MYO1D: variants seen among roughly 807,000 people sequenced by gnomAD.
MYO1D encodes unconventional myosin-Id.
A neutral mutation model predicts 122.0 loss-of-function variants in MYO1D; 83 were observed. The observed-to-expected ratio is 0.68, with a 90% confidence interval of 0.57 to 0.82. The LOEUF (loss-of-function observed/expected upper bound fraction) is 0.82, where lower values mean the gene tolerates loss of function less well. MYO1D is among the 40% of genes least tolerant of loss of function. The pLI, the probability that MYO1D is intolerant of heterozygous loss-of-function variation, is 0.00. For synonymous variants in MYO1D, 464 were observed against 446.9 expected, an observed-to-expected ratio of 1.04 and a Z score of -0.48; for missense variants, 1,157 against 1,269.5, an observed-to-expected ratio of 0.91 and a Z score of 1.35.
intron 21 of MYO1D, among the ~76,000 whole-genome samples, chr17:32,570,725 G>A (rs531645720): frequency 6.6e-6 from 1 of 152,198 alleles, no homozygotes; most frequent in East Asian, 1.9e-4. Context: ...AGCGACTCTT[G>A]TAAAGTTCAC....
At chr17:32,607,614 T>A (rs1396934697) in intron 20 of MYO1D, among the ~76,000 whole-genome samples, 1 of 152,060 alleles carries the variant, frequency 6.6e-6, no homozygotes, top group Non-Finnish European at 1.5e-5. Context: ...TTTAATGAAA[T>A]CCCAACCAAA....
intron 1 of MYO1D, among the ~76,000 whole-genome samples, chr17:32,789,620 AGGGTT>A (rs2090330784): frequency 6.6e-6 from 1 of 152,240 alleles, no homozygotes; most frequent in Admixed American, 6.5e-5. Context: ...ATCTGGAAAT[AGGGTT>A]TTTGCAGGTG....
intron 21 of MYO1D, among the ~76,000 whole-genome samples, chr17:32,520,314 C>T (rs1474112629): frequency 6.6e-6 from 1 of 152,188 alleles, no homozygotes; most frequent in Non-Finnish European, 1.5e-5. Flanking sequence ...CAGAGGACTT[C>T]CCGAGGTCAG....
In MYO1D at chr17:32,687,260, G is replaced by A. The variant is rs565079342; in HGVS notation, c.2121+24728C>T. 2.6e-3 allele frequency among the ~76,000 whole-genome samples: 396 copies of A among 149,550 alleles called. 2 individuals are homozygous for A. Among genetic ancestry groups the A allele is most frequent in the African/African-American group, 8.0e-3 (325 of 40,572 alleles). On this transcript the variant is annotated intron_variant, in intron 16 of 21. Transcript: ENST00000318217. ...CACCCAGGCTGGAGTGCAGTGGCGC[G>A]ATCTCAGCTCACTGCAAGCTCCGCC...
At chr17:32,813,711 T>C (rs2090591127) in intron 1 of MYO1D, among the ~76,000 whole-genome samples, 2 of 152,134 alleles carry the variant, frequency 1.3e-5, no homozygotes, top group Non-Finnish European at 2.9e-5. Flanking sequence ...TTCCAAGTCA[T>C]GTTAAGAAGT....
chr17:32,492,532 C>T lies in MYO1D; in HGVS notation c.*2227G>A, dbSNP rs910573370. On this transcript the variant is annotated 3_prime_UTR_variant, in exon 22 of 22. Coordinates refer to ENST00000318217, the MANE Select transcript of MYO1D (RefSeq NM_015194.3). Reference sequence around the variant, plus strand: ...GTGCTTAATTCTCCCTTCTATCCTCCCAGATAATGGTTGACTTTATTTAAG... The same window carrying T: ...GTGCTTAATTCTCCCTTCTATCCTCTCAGATAATGGTTGACTTTATTTAAG... 1.0e-4 allele frequency: 16 copies of T among 152,386 alleles called. No homozygotes were observed. The highest frequency in any genetic ancestry group is 3.6e-4 in the African/African-American group (15 of 41,404). The allele number at this position is 152,386 out of a possible 1,614,324, so 9.4% of individuals were successfully genotyped here. A position where few individuals can be genotyped will look rare whatever the true frequency, so the allele number is the denominator to read the frequency against.
intron 1 of MYO1D, among the ~76,000 whole-genome samples, chr17:32,824,941 G>A (rs1300878857): frequency 6.6e-6 from 1 of 152,128 alleles, no homozygotes; most frequent in Admixed American, 6.6e-5. Flanking sequence ...AGTAGAATTC[G>A]TGGAGGAGAG....
chr17:32,660,675 C>T (rs192767501), intron 16 of MYO1D, among the ~76,000 whole-genome samples: 2,902 of 147,750 alleles, frequency 0.02, 81 homozygotes, highest in African/African-American at 0.064. Flanking sequence ...ACCTAGAGTT[C>T]ACATATAAAC....
In MYO1D at chr17:32,721,057, C is replaced by A. The variant is rs1449388673; in HGVS notation, c.1879G>T (p.Ala627Ser). The A allele has an allele frequency of 2.5e-6, 4 of 1,614,038 alleles. No homozygotes were observed. The highest frequency in any genetic ancestry group is 1.3e-5 in the African/African-American group (1 of 74,930). ...ENVRVRRAGF[A>S]FRQTYEKFLH... is the part of the protein sequence containing the mutation. ...AACTTCTCGTATGTCTGGCGGAAGG[C>A]AAATCCTGCCCGACGCACTCTCACA... The change falls in exon 15 of 22, where the codon GCC becomes TCC. Residue 627 changes from alanine to serine, a missense_variant. Physicochemically the swap from Ala to Ser is moderately conservative, Grantham distance 99. Coordinates refer to ENST00000318217, the MANE Select transcript of MYO1D (RefSeq NM_015194.3).
At chr17:32,668,332 G>T (rs1178967997) in intron 16 of MYO1D, among the ~76,000 whole-genome samples, 2 of 152,168 alleles carry the variant, frequency 1.3e-5, no homozygotes, top group Admixed American at 6.5e-5. Flanking sequence ...TAGCGAGGTG[G>T]CTTACCACCT....
rs1051559433 is a variant in MYO1D at position 32,765,065 on chromosome 17, A to C, written c.848T>G (p.Val283Gly). The C allele has an allele frequency of 6.2e-7, 1 of 1,612,442 alleles. No individual in the cohort carries two copies. Among genetic ancestry groups the C allele is most frequent in the Admixed American group, 1.7e-5 (1 of 60,002 alleles). ...AILHLGNLKF[V>G]VDGDTPLIEN... ...AATAAGAGGCGTGTCACCATCTACT[A>C]CAAATTTTAAATTTCCCTGTATCAA... is the stretch of plus-strand genomic sequence containing the variant. The change falls in exon 8 of 22, where the codon GTA becomes GGA. Residue 283 changes from valine (V) to glycine (G), a missense_variant. By Grantham distance (109) the Val-to-Gly change is moderately radical. Transcript: ENST00000318217.
At chr17:32,794,475 T>C (rs2090392405) in intron 1 of MYO1D, among the ~76,000 whole-genome samples, 1 of 152,174 alleles carries the variant, frequency 6.6e-6, no homozygotes, top group Admixed American at 6.5e-5. Context: ...TAAATGTTAT[T>C]GATGTATTTA....
At chr17:32,511,622 A>ACAT (rs1268801463) in intron 21 of MYO1D, among the ~76,000 whole-genome samples, 2 of 133,102 alleles carry the variant, frequency 1.5e-5, no homozygotes, top group African/African-American at 6.1e-5. Context: ...TTTTTTTTGG[A>ACAT]CATCTTTGCT....
rs112117529 is a variant in MYO1D at position 32,659,073 on chromosome 17, T to TGA, written c.2345+41_2345+42insTC. ...TTGTGACTTTGCATAGTATTAACTG[T>TGA]GCCACCATAAATGGATGCAGCACAC... On this transcript the variant is annotated intron_variant, in intron 17 of 21. Coordinates refer to ENST00000318217, the MANE Select transcript of MYO1D (RefSeq NM_015194.3). 3.3e-3 allele frequency: 5,077 copies of TGA among 1,552,246 alleles called. 145 individuals carry two copies. The African/African-American group carries it at 0.059, about 18-fold the overall frequency.
intron 21 of MYO1D, among the ~76,000 whole-genome samples, chr17:32,542,174 C>T (rs534765583): frequency 1.3e-5 from 2 of 152,254 alleles, no homozygotes; most frequent in East Asian, 3.9e-4. Context: ...CAGTGACTTG[C>T]ACAGTGAAAA....
At chr17:32,623,085 C>T (rs1406440612) in intron 20 of MYO1D, among the ~76,000 whole-genome samples, 1 of 125,152 alleles carries the variant, frequency 8.0e-6, no homozygotes, top group Non-Finnish European at 1.7e-5. Context: ...GAGGTGGCTC[C>T]CAAGAAGCAG....
intron 20 of MYO1D, among the ~76,000 whole-genome samples, chr17:32,619,254 C>T (rs1230687688): frequency 6.6e-6 from 1 of 152,136 alleles, no homozygotes; most frequent in African/African-American, 2.4e-5. Context: ...ATATGCCTGC[C>T]TGTGTAAGAT....
At chr17:32,850,477 A>C (rs1372240308) in intron 1 of MYO1D, among the ~76,000 whole-genome samples, 3 of 152,202 alleles carry the variant, frequency 2.0e-5, no homozygotes, top group Non-Finnish European at 4.4e-5. Flanking sequence ...ATTGTATTTG[A>C]TATTAATTTT....
At chr17:32,666,274 C>T (rs934951323) in intron 16 of MYO1D, among the ~76,000 whole-genome samples, 9 of 152,192 alleles carry the variant, frequency 5.9e-5, no homozygotes, top group Non-Finnish European at 7.3e-5. Flanking sequence ...GGCAAACTGT[C>T]TTGCCTGTTT....
Sources: allele counts gnomAD v4.1 joint callset (sites outside exome capture counted in the v4.1 genomes callset), GRCh38; gene constraint gnomAD v4.1.1; transcripts MANE v1.5; gene names NCBI Gene and HGNC (gene_info 2026-07-23, HGNC 2026-07-21).